CTTNBP2: variants seen among roughly 807,000 people sequenced by gnomAD.
CTTNBP2 encodes the protein cortactin-binding protein 2.
CTTNBP2 carries 108 observed loss-of-function variants against 156.9 expected under a neutral mutation model. The ratio of observed to expected loss-of-function variants is 0.69; its 90% CI spans 0.59 to 0.81. The LOEUF is 0.81. Among genes scored for constraint, CTTNBP2 ranks in the 30% least tolerant of loss-of-function variants. The pLI, the probability that CTTNBP2 is intolerant of heterozygous loss-of-function variation, is 0.00. For synonymous variants in CTTNBP2, 767 were observed against 751.8 expected, an observed-to-expected ratio of 1.02 and a Z score of -0.33; for missense variants, 1,924 against 2,035.4, an observed-to-expected ratio of 0.95 and a Z score of 1.05.
intron 2 of CTTNBP2, among the ~76,000 whole-genome samples, chr7:117,837,694 G>A (rs549073618): frequency 7.3e-4 from 111 of 152,072 alleles, no homozygotes; most frequent in African/African-American, 1.4e-3. Context: ...TAATAATTTC[G>A]TGCATGAAAG....
At chr7:117,756,656 G>GA (rs1562976829) in intron 11 of CTTNBP2, 22 bp from the exon 12 acceptor site, 5 of 1,448,166 alleles carry the variant, frequency 3.5e-6, no homozygotes, top group Non-Finnish European at 3.9e-6. Flanking sequence ...GACAGACGAA[G>GA]AAAAATGGGT....
chr7:117,767,258 A>G (rs947808618), intron 8 of CTTNBP2, 82 bp from the exon 9 acceptor site: 38 of 782,930 alleles, frequency 4.9e-5, no homozygotes, highest in Non-Finnish European at 8.1e-5. Context: ...CCAGTTGCCT[A>G]TAACAATCAC....
intron 3 of CTTNBP2, among the ~76,000 whole-genome samples, chr7:117,799,543 T>A (rs1439435023): frequency 6.6e-6 from 1 of 151,810 alleles, no homozygotes; most frequent in African/African-American, 2.4e-5. Flanking sequence ...ACAGCTAACA[T>A]TGTACTTAAT....
intron 6 of CTTNBP2, 98 bp from the exon 7 acceptor site, chr7:117,780,689 C>G: frequency 3.2e-6 from 2 of 620,066 alleles, no homozygotes; most frequent in Non-Finnish European, 5.2e-6. Context: ...AGCAATGTTG[C>G]ATCTTTATAT....
chr7:117,788,861 TA>T, intron 4 of CTTNBP2, among the ~76,000 whole-genome samples: 1 of 152,336 alleles, frequency 6.6e-6, no homozygotes. Flanking sequence ...AGAAACTGGT[TA>T]TTCTACCAAA....
intron 2 of CTTNBP2, among the ~76,000 whole-genome samples, chr7:117,846,197 A>G (rs1802577814): frequency 6.6e-6 from 1 of 152,092 alleles, no homozygotes; most frequent in Non-Finnish European, 1.5e-5. Flanking sequence ...TAATGGAAAA[A>G]CAGCTGATGA....
At chr7:117,776,127 T>G (rs1798086899) in intron 8 of CTTNBP2, among the ~76,000 whole-genome samples, 2 of 152,216 alleles carry the variant, frequency 1.3e-5, no homozygotes, top group African/African-American at 4.8e-5. Context: ...GCATTCTGTC[T>G]TCTTGATCAA....
At chr7:117,758,914 C>A (rs1261666838) in intron 10 of CTTNBP2, among the ~76,000 whole-genome samples, 1 of 152,104 alleles carries the variant, frequency 6.6e-6, no homozygotes, top group Admixed American at 6.5e-5. Context: ...AGTGAATATC[C>A]ATCTGCCTTT....
At chr7:117,722,257 GTTT>G (rs34399167) in intron 19 of CTTNBP2, among the ~76,000 whole-genome samples, 7 of 140,660 alleles carry the variant, frequency 5.0e-5, no homozygotes, top group Admixed American at 7.2e-5. Context: ...TCCTGTGTTG[GTTT>G]TTTTTTTTTT....
Position 117,873,369 on chromosome 7 carries a change from G to T in CTTNBP2, c.47C>A (p.Pro16Gln). The change falls in exon 1 of 23, where the codon CCG (proline) becomes CAG (glutamine). Residue 16 changes from proline to glutamine, a missense_variant. Transcript: ENST00000160373. ...ASCEPDLSRA[P>Q]EDAAGAAAEA... Reference sequence around the variant, plus strand: ...CGCCGCGGCCCCCGCCGCGTCCTCCGGGGCCCGGGACAAGTCGGGCTCGCA... The same window carrying T: ...CGCCGCGGCCCCCGCCGCGTCCTCCTGGGCCCGGGACAAGTCGGGCTCGCA... The T allele has an allele frequency of 6.8e-7, 1 of 1,476,550 alleles. No individual in the cohort carries two copies. The highest frequency in any genetic ancestry group is 1.5e-5 in the African/African-American group (1 of 68,892). The allele number at this position is 1,476,550 out of a possible 1,614,324, so 91.5% of individuals were successfully genotyped here. A position where few individuals can be genotyped will look rare whatever the true frequency, so the allele number is the denominator to read the frequency against.
intron 2 of CTTNBP2, among the ~76,000 whole-genome samples, chr7:117,826,016 A>T (rs1801253239): frequency 6.6e-6 from 1 of 152,076 alleles, no homozygotes; most frequent in Admixed American, 6.6e-5. Context: ...ATGCTGGGTG[A>T]CTGTTTTCAT....
In CTTNBP2 at chr7:117,861,406, C is replaced by G. The variant is rs1584573634; in HGVS notation, c.82-90G>C. 1.2e-5 allele frequency: 11 copies of G among 895,596 alleles called. No individual in the cohort carries two copies. In the East Asian group the frequency reaches 3.0e-4, roughly 24 times the overall value. The allele number at this position is 895,596 out of a possible 1,614,324, so 55.5% of individuals were successfully genotyped here. A position where few individuals can be genotyped will look rare whatever the true frequency, so the allele number is the denominator to read the frequency against. On this transcript the variant is annotated intron_variant, in intron 1 of 22. Coordinates refer to ENST00000160373, the MANE Select transcript of CTTNBP2 (RefSeq NM_033427.3). ...GGGTATGCAATGAATCAGTTTTATC[C>G]CAGTGGCTCGGCAGATCCAGCAGGC... is the stretch of plus-strand genomic sequence containing the variant.
chr7:117,817,333 CAAAAAAAAAAAAA>C (rs1165563266), intron 2 of CTTNBP2, among the ~76,000 whole-genome samples: 1,167 of 27,084 alleles, frequency 0.043, 35 homozygotes, highest in African/African-American at 0.1. Context: ...GACTCCATCT[CAAAAAAAAAAAAA>C]AAAAAAAAAA....
intron 14 of CTTNBP2, among the ~76,000 whole-genome samples, chr7:117,742,688 C>G (rs539103577): frequency 6.6e-6 from 1 of 152,138 alleles, no homozygotes; most frequent in African/African-American, 2.4e-5. Flanking sequence ...CAGGATGTGA[C>G]GATGGACTGT....
chr7:117,824,301 A>G (rs1019462962), intron 2 of CTTNBP2, among the ~76,000 whole-genome samples: 1 of 152,132 alleles, frequency 6.6e-6, no homozygotes, highest in African/African-American at 2.4e-5. Context: ...TCTAAAAATT[A>G]TGTGAAATCT....
In CTTNBP2 at chr7:117,780,509, T is replaced by G. The variant is rs1798361864; in HGVS notation, c.2455A>C (p.Lys819Gln). 2.5e-6 allele frequency: 4 copies of G among 1,602,196 alleles called. No individual in the cohort carries two copies. The highest frequency in any genetic ancestry group is 1.7e-5 in the Admixed American group (1 of 58,006). Residue 819 changes from lysine (K) to glutamine (Q), a missense_variant, in exon 7 of 23, where the codon AAA becomes CAA. Lys to Gln is a moderately conservative substitution (Grantham distance 53). Transcript: ENST00000160373. ...GGQTPLYLAC[K>Q]NGNKECIKLL... Reference sequence around the variant, plus strand: ...TTAATACATTCTTTATTTCCATTTTTACAGGCCAGGTATAGAGGTGTCTGT... The same window carrying G: ...TTAATACATTCTTTATTTCCATTTTGACAGGCCAGGTATAGAGGTGTCTGT...
chr7:117,845,890 G>A (rs1051941870), intron 2 of CTTNBP2, among the ~76,000 whole-genome samples: 22 of 151,028 alleles, frequency 1.5e-4, no homozygotes, highest in South Asian at 1.1e-3. Flanking sequence ...TCGCTTTGTC[G>A]CCCAGGCTGG....
chr7:117,810,638 T>C (rs1800216877), intron 3 of CTTNBP2, 127 bp downstream of exon 3: 1 of 740,066 alleles, frequency 1.4e-6, no homozygotes, highest in Admixed American at 2.1e-5. Context: ...TGTCAGCCTC[T>C]TGCACTTCTA....
intron 17 of CTTNBP2, 91 bp from the exon 18 acceptor site, chr7:117,725,348 GA>G (rs1795032373): frequency 3.4e-6 from 4 of 1,173,428 alleles, no homozygotes; most frequent in Admixed American, 1.9e-5. Flanking sequence ...AGACTATGGG[GA>G]AAAAACGTTA....
Sources: allele counts gnomAD v4.1 joint callset (sites outside exome capture counted in the v4.1 genomes callset), GRCh38; gene constraint gnomAD v4.1.1; transcripts MANE v1.5; gene names NCBI Gene and HGNC (gene_info 2026-07-23, HGNC 2026-07-21).